Variants in SHANK2 observed in about 807,000 individuals in gnomAD.
The protein encoded by SHANK2 is SH3 and multiple ankyrin repeat domains 2.
SHANK2 carries 43 observed loss-of-function variants against 133.7 expected under a neutral mutation model. The observed-to-expected ratio is 0.32, with a 90% confidence interval of 0.25 to 0.41. SHANK2 has a LOEUF of 0.41. Among genes scored for constraint, SHANK2 ranks in the 10% least tolerant of loss-of-function variants. The probability of loss-of-function intolerance (pLI) is 1.00; values close to 1 mark genes in which losing one functional copy is unlikely to be tolerated. For synonymous variants in SHANK2, 1,017 were observed against 952.8 expected, an observed-to-expected ratio of 1.07 and a Z score of -1.24; for missense variants, 1,994 against 2,235.8, an observed-to-expected ratio of 0.89 and a Z score of 2.18.
Position 71,175,455 on chromosome 11 carries a change from G to A in SHANK2, c.-12-28117C>T, listed in dbSNP as rs562473426. Among the ~76,000 whole-genome samples the A allele has an allele frequency of 8.4e-4, 128 of 151,860 alleles. No homozygotes were observed. The highest frequency in any genetic ancestry group is 3.0e-3 in the African/African-American group (124 of 41,390). ...AAGGAAAGAAAAAGAGGGAGAGGAG[G>A]GGGAGAAATAGACCAAGGCTGGTGA... On this transcript the variant is annotated intron_variant, in intron 2 of 25. Transcript: ENST00000601538. The surrounding 1 kb of genome is among the most constrained non-coding windows in gnomAD (Gnocchi z 4.2).
rs573358455 is a variant in SHANK2 at position 70,629,747 on chromosome 11, C to T, written c.2061+30081G>A. On this transcript the variant is annotated intron_variant, in intron 17 of 25. Coordinates refer to ENST00000601538, the MANE Select transcript of SHANK2 (RefSeq NM_012309.5). ...GCACCTGCTGCAGAGCTGGATGATC[C>T]TGGTGCCCTCTAATGCCCTGACTCC... 7.2e-5 allele frequency among the ~76,000 whole-genome samples: 11 copies of T among 152,284 alleles called. No homozygotes were observed. In the South Asian group the frequency reaches 1.0e-3, roughly 14 times the overall value.
At chr11:71,094,801 C>T in intron 6 of SHANK2, 113 bp from the exon 7 acceptor site, 1 of 1,208,648 alleles carries the variant, frequency 8.3e-7, no homozygotes, top group Non-Finnish European at 1.1e-6. Context: ...CCTCCACCTC[C>T]AGGGTGTTTA....
At chr11:70,482,139 G>A (rs779085155) in intron 25 of SHANK2, among the ~76,000 whole-genome samples, 14 of 152,260 alleles carry the variant, frequency 9.2e-5, no homozygotes, top group Non-Finnish European at 1.6e-4. Context: ...TACAGTGAAT[G>A]CTCTTCATCT....
intron 10 of SHANK2, among the ~76,000 whole-genome samples, chr11:70,899,935 G>C (rs1950000346): frequency 6.6e-6 from 1 of 152,196 alleles, no homozygotes; most frequent in East Asian, 1.9e-4. Context: ...TGTGACACTG[G>C]GCATTACGTG....
chr11:70,644,946 G>T (rs2061240307), intron 17 of SHANK2, among the ~76,000 whole-genome samples: 1 of 152,188 alleles, frequency 6.6e-6, no homozygotes, highest in Admixed American at 6.5e-5. Context: ...CAAAGGCTGG[G>T]CATGGTGGCT....
At chr11:70,878,272 A>T (rs1555071743) in intron 11 of SHANK2, among the ~76,000 whole-genome samples, 1 of 152,190 alleles carries the variant, frequency 6.6e-6, no homozygotes, top group African/African-American at 2.4e-5. Flanking sequence ...GTTGATGACC[A>T]AGTCATTCCA....
chr11:70,826,248 G>A (rs1948637453), intron 11 of SHANK2, among the ~76,000 whole-genome samples: 1 of 152,212 alleles, frequency 6.6e-6, no homozygotes, highest in Admixed American at 6.5e-5. Flanking sequence ...CTGAAGGTTT[G>A]AAAGCAGCAC....
At chr11:71,093,255 A>G (rs531813522) in intron 7 of SHANK2, among the ~76,000 whole-genome samples, 2 of 152,240 alleles carry the variant, frequency 1.3e-5, no homozygotes, top group South Asian at 4.1e-4. Context: ...CGGAAGAGAG[A>G]AAAGGTGCAT....
chr11:70,837,654 C>G (rs562790182), intron 11 of SHANK2, among the ~76,000 whole-genome samples: 2 of 152,286 alleles, frequency 1.3e-5, no homozygotes, highest in South Asian at 4.2e-4. Context: ...CACTGCATCA[C>G]CAGCACAGAG....
intron 11 of SHANK2, among the ~76,000 whole-genome samples, chr11:70,884,362 C>T (rs1269206099): frequency 1.3e-5 from 2 of 152,228 alleles, no homozygotes; most frequent in African/African-American, 2.4e-5. Flanking sequence ...GCACAACCTC[C>T]TGCGTGTTAC....
chr11:70,706,270 C>T (rs1420357781), intron 14 of SHANK2, among the ~76,000 whole-genome samples: 2 of 152,156 alleles, frequency 1.3e-5, no homozygotes, highest in African/African-American at 2.4e-5. Flanking sequence ...GCTAGCTCTC[C>T]AGATCCTACA....
chr11:71,109,934 T>G lies in SHANK2; in HGVS notation c.592+7A>C. The G allele has an allele frequency of 2.6e-6, 4 of 1,540,322 alleles. No individual in the cohort carries two copies. The highest frequency in any genetic ancestry group is 2.4e-5 in the East Asian group (1 of 40,884). ...GCCTGGTAAGGTCCCCTCTAGCAAG[T>G]GCTCACCTCCGGTCTCCGGGTCGTG... On this transcript the variant is annotated splice_region_variant and intron_variant, in intron 6 of 25. Coordinates refer to ENST00000601538, the MANE Select transcript of SHANK2 (RefSeq NM_012309.5).
At position 70,502,810 on chromosome 11, in the gene SHANK2, G is replaced by C. The variant is rs782240076; in HGVS notation, c.2183C>G (p.Thr728Ser). The change falls in exon 18 of 26, where the codon ACC (threonine) becomes AGC (serine). Residue 728 changes from threonine to serine, a missense_variant. By Grantham distance (58) the Thr-to-Ser change is moderately conservative. Transcript: ENST00000601538. Reference sequence around the variant, plus strand: ...GGGGCATGTACCTTTCTTCCTGGCGGTGTCGTCGGGGTCCAGATTCCTGGT... The same window carrying C: ...GGGGCATGTACCTTTCTTCCTGGCGCTGTCGTCGGGGTCCAGATTCCTGGT... ...TVTRNLDPDD[T>S]ARKKAPPPPK... is the part of the protein sequence containing the mutation. 6.2e-7 allele frequency: 1 copy of C among 1,612,156 alleles called. No individual in the cohort carries two copies. The highest frequency in any genetic ancestry group is 8.5e-7 in the Non-Finnish European group (1 of 1,179,786).
At chr11:71,229,571 C>A (rs1392054893) in intron 1 of SHANK2, among the ~76,000 whole-genome samples, 1 of 151,808 alleles carries the variant, frequency 6.6e-6, no homozygotes, top group Non-Finnish European at 1.5e-5. Flanking sequence ...TAGATAGAGA[C>A]CATCCTGGCC....
intron 11 of SHANK2, among the ~76,000 whole-genome samples, chr11:70,844,021 C>A (rs1376302914): frequency 2.6e-5 from 4 of 152,186 alleles, no homozygotes; most frequent in African/African-American, 9.7e-5. Flanking sequence ...TAGGACCACA[C>A]TGTGCTGCGT....
chr11:70,723,278 A>G (rs151294711), intron 14 of SHANK2, among the ~76,000 whole-genome samples: 4 of 147,198 alleles, frequency 2.7e-5, no homozygotes, highest in Middle Eastern at 3.6e-3. Flanking sequence ...AGATAGTAGC[A>G]ATTTTCTTGC....
At chr11:70,757,836 T>C (rs1946906646) in intron 14 of SHANK2, among the ~76,000 whole-genome samples, 1 of 152,128 alleles carries the variant, frequency 6.6e-6, no homozygotes, top group African/African-American at 2.4e-5. Context: ...TAGGCCTGCA[T>C]GAATGTCCCA....
chr11:70,663,500 C>T (rs1555014079), intron 15 of SHANK2, among the ~76,000 whole-genome samples: 2 of 152,186 alleles, frequency 1.3e-5, no homozygotes, highest in Admixed American at 6.5e-5. Flanking sequence ...ACTCCACGCA[C>T]CCACCCCCGA....
chr11:70,908,826 G>A (rs3019829), intron 10 of SHANK2, among the ~76,000 whole-genome samples: 152,296 of 152,342 alleles, frequency 1, 76,125 homozygotes, highest in Non-Finnish European at 1. Flanking sequence ...ACGTCAAACC[G>A]CGACCCAACT....
Sources: gnomAD v4.1 joint callset for allele counts (sites outside exome capture counted in the v4.1 genomes callset) on GRCh38, gnomAD v4.1.1 for gene constraint, Gnocchi (gnomAD v3.1) non-coding constraint, MANE v1.5 for transcripts, NCBI Gene and HGNC (gene_info 2026-07-23, HGNC 2026-07-21) for gene names.